The following ITIH5 variants were observed in gnomAD, a reference collection of about 807,000 sequenced individuals.
ITIH5 encodes the protein inter-alpha-trypsin inhibitor heavy chain 5.
ITIH5 carries 65 observed loss-of-function variants against 77.5 expected under a neutral mutation model. The ratio of observed to expected loss-of-function variants is 0.84; its 90% confidence interval spans 0.69 to 1.03. ITIH5 has a LOEUF of 1.03. Ranked by LOEUF, ITIH5 falls within the 50% of genes least tolerant of loss-of-function variation. ITIH5 has a pLI of 0.00. For missense variants in ITIH5, 1,208 were observed against 1,213.1 expected (o/e 1.00, Z 0.06); for synonymous variants, 525 against 494.3 (o/e 1.06, Z -0.82).
chr10:7,617,829 T>C (rs761371520), intron 5 of ITIH5: 3 of 152,230 alleles, frequency 2.0e-5, no homozygotes, highest in Admixed American at 6.5e-5. Context: ...GTATGGTTGA[T>C]TTGCTTGAAT....
intron 5 of ITIH5, chr10:7,619,626 G>A (rs945422738): frequency 7.8e-6 from 3 of 385,100 alleles, no homozygotes; most frequent in Admixed American, 2.7e-5. Flanking sequence ...CAATCACGCA[G>A]AAGGCAAACG....
At chr10:7,665,611 G>T (rs940305477) in intron 1 of ITIH5, among the ~76,000 whole-genome samples, 6 of 152,218 alleles carry the variant, frequency 3.9e-5, no homozygotes, top group Non-Finnish European at 8.8e-5. Flanking sequence ...ACATCTCCCA[G>T]TTATTGAGCG....
At chr10:7,565,021 TATAC>T (rs1280475845) in intron 13 of ITIH5, among the ~76,000 whole-genome samples, 1 of 146,966 alleles carries the variant, frequency 6.8e-6, no homozygotes, top group Admixed American at 6.9e-5. Context: ...TATATACATA[TATAC>T]ATACATAGAC....
chr10:7,572,925 C>T, intron 11 of ITIH5: 1 of 476,402 alleles, frequency 2.1e-6, no homozygotes, highest in Middle Eastern at 5.7e-4. Flanking sequence ...CTACAGGCCC[C>T]TGCCACCATG....
intron 7 of ITIH5, among the ~76,000 whole-genome samples, chr10:7,600,223 G>A (rs971824884): frequency 1.3e-5 from 2 of 152,286 alleles, no homozygotes; most frequent in Middle Eastern, 3.4e-3. Flanking sequence ...GTTGGCTGAA[G>A]TTTCAGATGT....
rs887602047 is a variant in ITIH5, at chr10:7,659,096, G to C, written c.91-3421C>G. ...TTTTGGAATTCTAAAATGAGGTGAG[G>C]CTGGGCACGGTGGCTCATGCCTGTA... On this transcript the variant is annotated intron_variant, in intron 1 of 13. Transcript: ENST00000397146. 3.9e-5 allele frequency among the ~76,000 whole-genome samples: 6 copies of C among 152,084 alleles called. No homozygotes were observed. The South Asian group carries it at 6.2e-4, about 16-fold the overall frequency.
chr10:7,644,619 T>TATCACATATATATCATAC (rs1833957717), intron 2 of ITIH5, among the ~76,000 whole-genome samples: 1 of 104,008 alleles, frequency 9.6e-6, no homozygotes, highest in African/African-American at 3.3e-5. Flanking sequence ...ATATCACATA[T>TATCACATATATATCATAC]ATATCACATA....
At chr10:7,659,408 A>T (rs1050316105) in intron 1 of ITIH5, among the ~76,000 whole-genome samples, 36 of 152,136 alleles carry the variant, frequency 2.4e-4, no homozygotes, top group African/African-American at 8.4e-4. Context: ...AAGTAAATTA[A>T]TTAATTAAAT....
chr10:7,606,706 C>T (rs1332281079), intron 7 of ITIH5, among the ~76,000 whole-genome samples: 1 of 152,040 alleles, frequency 6.6e-6, no homozygotes, highest in Non-Finnish European at 1.5e-5. Context: ...ATATAACAAA[C>T]CTGTATATGT....
intron 12 of ITIH5, among the ~76,000 whole-genome samples, chr10:7,568,166 T>G (rs1054436453): frequency 1.3e-5 from 2 of 152,222 alleles, no homozygotes; most frequent in African/African-American, 4.8e-5. Context: ...GCATGTTAAA[T>G]GTGTTTTGCT....
At chr10:7,630,566 T>C (rs1389096423) in intron 5 of ITIH5, among the ~76,000 whole-genome samples, 1 of 152,246 alleles carries the variant, frequency 6.6e-6, no homozygotes, top group African/African-American at 2.4e-5. Flanking sequence ...TCCTAATGAC[T>C]AATTGTGTTG....
At chr10:7,603,334 T>C (rs1176073725) in intron 7 of ITIH5, among the ~76,000 whole-genome samples, 2 of 152,084 alleles carry the variant, frequency 1.3e-5, no homozygotes, top group African/African-American at 4.8e-5. Context: ...ATACGAAATG[T>C]CTGGAATAGG....
intron 7 of ITIH5, among the ~76,000 whole-genome samples, chr10:7,598,966 C>G (rs1411374516): frequency 6.6e-6 from 1 of 152,192 alleles, no homozygotes; most frequent in Non-Finnish European, 1.5e-5. Flanking sequence ...CTCATCTTAA[C>G]CCTCTGCTTA....
At chr10:7,605,495 G>A (rs901072947) in intron 7 of ITIH5, among the ~76,000 whole-genome samples, 4 of 150,912 alleles carry the variant, frequency 2.7e-5, no homozygotes, top group African/African-American at 9.8e-5. Context: ...GTGAGGAAAG[G>A]CTGTGTCTCA....
rs1232485511 is a variant in ITIH5 at position 7,560,319 on chromosome 10, CAAAAGT to C, written c.*2758_*2763del. On this transcript the variant is annotated 3_prime_UTR_variant, in exon 14 of 14. Coordinates refer to ENST00000397146, the MANE Select transcript of ITIH5 (RefSeq NM_030569.7). ...CTCAATCCAAGGCATGTCGTTTAGC[CAAAAGT>C]TAAAGTTAAAGGAATGAATCCTGTT... The C allele has an allele frequency of 6.5e-6, 1 of 152,932 alleles. No individual in the cohort carries two copies. Among genetic ancestry groups the C allele is most frequent in the East Asian group, 1.9e-4 (1 of 5,206 alleles). The allele number at this position is 152,932 out of a possible 1,614,324, so 9.5% of individuals were successfully genotyped here.
intron 7 of ITIH5, among the ~76,000 whole-genome samples, chr10:7,603,027 A>G (rs1164031176): frequency 1.3e-5 from 2 of 152,118 alleles, no homozygotes; most frequent in African/African-American, 2.4e-5. Context: ...TTCCAGCTGC[A>G]TGGCTCCTTC....
Position 7,596,195 on chromosome 10 carries a change from T to C in ITIH5, c.940-10126A>G, listed in dbSNP as rs1052132471. Among the ~76,000 whole-genome samples, 5 of 152,174 alleles carry C rather than the reference T, an allele frequency of 3.3e-5. 1 individual carries two copies. Among genetic ancestry groups the C allele is most frequent in the African/African-American group, 7.2e-5 (3 of 41,428 alleles). On this transcript the variant is annotated intron_variant, in intron 7 of 13. Coordinates refer to ENST00000397146, the MANE Select transcript of ITIH5 (RefSeq NM_030569.7). ...ATGAAGCTGCACTGGAAACAAGAGA[T>C]AGGGTCTTCCTTTCTCTTCCGCTCC...
chr10:7,582,495 C>G (rs1471999693), intron 8 of ITIH5, among the ~76,000 whole-genome samples: 1 of 151,952 alleles, frequency 6.6e-6, no homozygotes, highest in African/African-American at 2.4e-5. Flanking sequence ...ATCTACATAC[C>G]AAAAGATCAC....
chr10:7,576,625 C>T lies in ITIH5; in HGVS notation c.1806G>A (p.Arg602=). The change falls in exon 10 of 14, where the codon CGG becomes CGA. Residue 602 remains arginine, a synonymous_variant. Coordinates refer to ENST00000397146, the MANE Select transcript of ITIH5 (RefSeq NM_030569.7). ...TCACAGCCAGGGCCTGGGCCCGCTGCCGCAGCCGCTCCTTCTCCGGTTCAT... is the reference window on the plus strand; with the variant it reads ...TCACAGCCAGGGCCTGGGCCCGCTGTCGCAGCCGCTCCTTCTCCGGTTCAT... ...SDDEPEKERL[R]QRAQALAVSY... 1 of 1,614,154 alleles carries T rather than the reference C, an allele frequency of 6.2e-7. No homozygotes were observed. Among genetic ancestry groups the T allele is most frequent in the South Asian group, 1.1e-5 (1 of 91,084 alleles).
Sources: allele counts gnomAD v4.1 joint callset (sites outside exome capture counted in the v4.1 genomes callset), GRCh38; gene constraint gnomAD v4.1.1; transcripts MANE v1.5; gene names NCBI Gene and HGNC (gene_info 2026-07-23, HGNC 2026-07-21).